GLIS3: variants seen among roughly 807,000 people sequenced by gnomAD.
GLIS3 encodes GLIS family zinc finger 3, also known as zinc finger protein GLIS3.
GLIS3 carries 53 observed loss-of-function variants against 78.6 expected under a neutral mutation model. That is an observed-to-expected ratio of 0.67 (90% CI 0.54 to 0.85). The LOEUF (loss-of-function observed/expected upper bound fraction) is 0.85, where lower values mean the gene tolerates loss of function less well. GLIS3 is among the 40% of genes least tolerant of loss of function. The pLI, the probability that GLIS3 is intolerant of heterozygous loss-of-function variation, is 0.00. For synonymous variants in GLIS3, 684 were observed against 509.9 expected (o/e 1.34, Z -4.60); for missense variants, 1,703 against 1,231.1 (o/e 1.38, Z -5.74).
At chr9:3,916,061 C>G (rs1034213003) in intron 6 of GLIS3, among the ~76,000 whole-genome samples, 2 of 152,054 alleles carry the variant, frequency 1.3e-5, no homozygotes, top group African/African-American at 4.8e-5. Flanking sequence ...ATCTTAGAAA[C>G]AAAGAGTAGA....
intron 8 of GLIS3, among the ~76,000 whole-genome samples, chr9:3,870,035 G>GA (rs1301422620): frequency 6.6e-6 from 1 of 152,094 alleles, no homozygotes; most frequent in Non-Finnish European, 1.5e-5. Context: ...TTAAGACACG[G>GA]AAAAAAGGAA....
At chr9:4,451,212 A>C in the GLIS3 span, among the ~76,000 whole-genome samples, 1 of 152,234 alleles carries the variant, frequency 6.6e-6, no homozygotes, top group Non-Finnish European at 1.5e-5. Context: ...GTCTCTGATA[A>C]AACAGACTGC....
intron 2 of GLIS3, among the ~76,000 whole-genome samples, chr9:4,168,082 C>CT (rs1226302349): frequency 2.0e-5 from 3 of 152,208 alleles, no homozygotes; most frequent in African/African-American, 7.2e-5. Context: ...CAATCATTTC[C>CT]TTACCTCCTT....
chr9:3,945,529 A>AGAT (rs2130823205), intron 4 of GLIS3, among the ~76,000 whole-genome samples: 2 of 152,258 alleles, frequency 1.3e-5, no homozygotes, highest in South Asian at 4.2e-4. Context: ...GTGTTCCAGG[A>AGAT]GATAGACATA....
At chr9:4,197,606 G>A (rs1818986123) in intron 2 of GLIS3, among the ~76,000 whole-genome samples, 1 of 152,196 alleles carries the variant, frequency 6.6e-6, no homozygotes, top group Non-Finnish European at 1.5e-5. Flanking sequence ...TGCTGGGGAA[G>A]TGTAGGCAAA....
rs567121459 is a variant in GLIS3 at position 4,154,907 on chromosome 9, G to C, written c.389-28966C>G. Among the ~76,000 whole-genome samples the C allele has an allele frequency of 7.9e-5, 12 of 152,152 alleles. No homozygotes were observed. The South Asian group carries it at 2.3e-3, about 29-fold the overall frequency. On this transcript the variant is annotated intron_variant, in intron 2 of 10. Transcript: ENST00000381971. ...AGCAAACTTGACTAAACAAATTATAGTACACTTTCCGTATACATAAAAAAT... is the reference window on the plus strand; with the variant it reads ...AGCAAACTTGACTAAACAAATTATACTACACTTTCCGTATACATAAAAAAT...
intron 2 of GLIS3, among the ~76,000 whole-genome samples, chr9:4,186,397 A>G (rs1817799282): frequency 6.6e-6 from 1 of 151,890 alleles, no homozygotes; most frequent in Admixed American, 6.6e-5. Flanking sequence ...CCAGTCTATC[A>G]TTGTTGGACA....
the GLIS3 span, among the ~76,000 whole-genome samples, chr9:4,453,932 C>T: frequency 5.3e-5 from 8 of 152,070 alleles, no homozygotes; most frequent in Middle Eastern, 6.8e-3. Flanking sequence ...ACCAACATGG[C>T]ACATGTATAC....
chr9:4,307,550 A>AC (rs1407777570), intron 4 of GLIS3, among the ~76,000 whole-genome samples: 1 of 151,730 alleles, frequency 6.6e-6, no homozygotes, highest in Non-Finnish European at 1.5e-5. Flanking sequence ...CATCCCAACA[A>AC]AAAAAAATCC....
chr9:4,316,149 C>G (rs940773764), intron 2 of GLIS3, among the ~76,000 whole-genome samples: 3 of 152,084 alleles, frequency 2.0e-5, no homozygotes, highest in African/African-American at 7.2e-5. Context: ...TCAGTCTATC[C>G]TCAACAAAAA....
chr9:3,832,741 T>A (rs1480029683), intron 9 of GLIS3, among the ~76,000 whole-genome samples: 3 of 152,320 alleles, frequency 2.0e-5, no homozygotes, highest in African/African-American at 4.8e-5. Flanking sequence ...TAGACAATAT[T>A]TGCTATCTAT....
chr9:4,197,990 A>T (rs1054377386), intron 2 of GLIS3, among the ~76,000 whole-genome samples: 2 of 152,190 alleles, frequency 1.3e-5, no homozygotes, highest in Non-Finnish European at 2.9e-5. Flanking sequence ...ATGGAAAGAA[A>T]GAAAAATAAA....
chr9:4,470,154 C>T, the GLIS3 span, among the ~76,000 whole-genome samples: 45 of 152,270 alleles, frequency 3.0e-4, no homozygotes, highest in Admixed American at 6.5e-4. Flanking sequence ...GACGGATTCA[C>T]AGCCGAATTC....
chr9:4,212,347 A>G (rs7030479), intron 2 of GLIS3, among the ~76,000 whole-genome samples: 13,096 of 152,206 alleles, frequency 0.086, 711 homozygotes, highest in East Asian at 0.25. Flanking sequence ...CATCTTAACA[A>G]TGGATCAATC....
At chr9:3,949,888 T>G (rs1816561912) in intron 4 of GLIS3, among the ~76,000 whole-genome samples, 1 of 152,216 alleles carries the variant, frequency 6.6e-6, no homozygotes, top group African/African-American at 2.4e-5. Flanking sequence ...AGAAGACACA[T>G]GGCTATGGAT....
At chr9:4,435,793 C>CA in the GLIS3 span, among the ~76,000 whole-genome samples, 14 of 152,082 alleles carry the variant, frequency 9.2e-5, no homozygotes, top group East Asian at 2.3e-3. Flanking sequence ...ACTAAAAATA[C>CA]AAAAAATTAG....
At chr9:4,465,268 C>A in the GLIS3 span, among the ~76,000 whole-genome samples, 1 of 152,248 alleles carries the variant, frequency 6.6e-6, no homozygotes, top group Non-Finnish European at 1.5e-5. Flanking sequence ...CGATAATAGG[C>A]CGGGCACGGT....
Position 3,856,153 on chromosome 9 carries a change from TGTG to T in GLIS3, c.2326_2328del (p.His776del), listed in dbSNP as rs1819775652. 1 of 1,614,068 alleles carries T rather than the reference TGTG, an allele frequency of 6.2e-7. No homozygotes were observed. The highest frequency in any genetic ancestry group is 8.5e-7 in the Non-Finnish European group (1 of 1,180,006). On this transcript the variant is annotated inframe_deletion, in exon 9 of 11. Transcript: ENST00000381971. ...GGAGCTGGAACTCTCCGGGGGCTGA[TGTG>T]GTGAGGAGATGGAGCAGAAGGTGCA... is the stretch of plus-strand genomic sequence containing the variant.
the GLIS3 span, among the ~76,000 whole-genome samples, chr9:4,417,917 G>C: frequency 1.3e-5 from 2 of 152,212 alleles, no homozygotes; most frequent in Non-Finnish European, 2.9e-5. Flanking sequence ...TGTCAATATA[G>C]GTTTAGGGGT....
Sources: allele counts gnomAD v4.1 joint callset (sites outside exome capture counted in the v4.1 genomes callset), GRCh38; gene constraint gnomAD v4.1.1; transcripts MANE v1.5; gene names NCBI Gene and HGNC (gene_info 2026-07-23, HGNC 2026-07-21).